The following ATF7 variants were observed in gnomAD, a reference collection of about 807,000 sequenced individuals.
ATF7 encodes cyclic AMP-dependent transcription factor ATF-7.
In ATF7, 10 loss-of-function variants were observed where a neutral mutation model predicts 50.4. That is an observed-to-expected ratio of 0.20 (90% CI 0.12 to 0.34). ATF7 has a LOEUF of 0.34. ATF7 is among the 10% of genes least tolerant of loss of function. The pLI, the probability that ATF7 is intolerant of heterozygous loss-of-function variation, is 1.00. For synonymous variants in ATF7, 201 were observed against 226.4 expected, an observed-to-expected ratio of 0.89 and a Z score of 1.01; for missense variants, 465 against 613.9, an observed-to-expected ratio of 0.76 and a Z score of 2.56.
At chr12:53,615,405 A>T (rs1593000044) in intron 1 of ATF7, among the ~76,000 whole-genome samples, 1 of 152,178 alleles carries the variant, frequency 6.6e-6, no homozygotes, top group East Asian at 1.9e-4. Context: ...AAGAAAAATA[A>T]AAAAGAAAAT....
chr12:53,592,952 C>T (rs1183512337), intron 2 of ATF7, among the ~76,000 whole-genome samples: 1 of 152,154 alleles, frequency 6.6e-6, no homozygotes, highest in Non-Finnish European at 1.5e-5. Flanking sequence ...AGTTTTTAGA[C>T]ATAACCAAAG....
At chr12:53,615,079 C>CAAAAG (rs1944061107) in intron 1 of ATF7, among the ~76,000 whole-genome samples, 3 of 148,428 alleles carry the variant, frequency 2.0e-5, no homozygotes, top group African/African-American at 7.4e-5. Context: ...GACGCCATCT[C>CAAAAG]AAAAGAAAAG....
chr12:53,555,877 G>A lies in ATF7; in HGVS notation c.49-3240C>T, dbSNP rs534003161. Reference sequence around the variant, plus strand: ...GTTGCCCAGGCTGGAGTCCAATGGCGCAATCTTGGCTCACTGCAACCTCCA... The same window carrying A: ...GTTGCCCAGGCTGGAGTCCAATGGCACAATCTTGGCTCACTGCAACCTCCA... On this transcript the variant is annotated intron_variant, in intron 2 of 11. Transcript: ENST00000420353. 4.7e-4 allele frequency among the ~76,000 whole-genome samples: 71 copies of A among 151,196 alleles called. No homozygotes were observed. The South Asian group carries it at 0.013, about 28-fold the overall frequency.
At position 53,569,804 on chromosome 12, in the gene ATF7, C is replaced by A. The variant is rs572452108; in HGVS notation, c.49-17167G>T. ...AAGGATTCTCCTGCCTCAGCCTCCTCAGTAGCTAGGACCACAAGCATGTGC... is the reference window on the plus strand; with the variant it reads ...AAGGATTCTCCTGCCTCAGCCTCCTAAGTAGCTAGGACCACAAGCATGTGC... On this transcript the variant is annotated intron_variant, in intron 2 of 11. Coordinates refer to ENST00000420353, the MANE Select transcript of ATF7 (RefSeq NM_006856.3). Among the ~76,000 whole-genome samples, 67 of 152,096 alleles carry A rather than the reference C, an allele frequency of 4.4e-4. 1 individual carries two copies. The highest frequency in any genetic ancestry group is 1.5e-3 in the African/African-American group (64 of 41,486).
chr12:53,613,623 T>C (rs1943990286), intron 1 of ATF7, among the ~76,000 whole-genome samples: 1 of 152,018 alleles, frequency 6.6e-6, no homozygotes, highest in East Asian at 1.9e-4. Flanking sequence ...CTGGCTCAAG[T>C]GATCCTCCTA....
chr12:53,575,951 A>G (rs775578653), intron 2 of ATF7: 1 of 153,606 alleles, frequency 6.5e-6, no homozygotes, highest in Non-Finnish European at 1.5e-5. Flanking sequence ...TATAGATGCC[A>G]GGAGTTGTGG....
chr12:53,615,883 T>A (rs1207808831), intron 1 of ATF7, among the ~76,000 whole-genome samples: 2 of 151,986 alleles, frequency 1.3e-5, no homozygotes, highest in Non-Finnish European at 1.5e-5. Context: ...CCCAGACCCA[T>A]CTCTAAAAAT....
At chr12:53,611,588 T>TTTTTC (rs750217895) in intron 1 of ATF7, among the ~76,000 whole-genome samples, 2 of 152,112 alleles carry the variant, frequency 1.3e-5, no homozygotes, top group Non-Finnish European at 2.9e-5. Context: ...AGTTTTTACA[T>TTTTTC]TTTTCTTTTC....
intron 11 of ATF7, among the ~76,000 whole-genome samples, chr12:53,518,473 T>G (rs1176285646): frequency 6.6e-6 from 1 of 152,144 alleles, no homozygotes; most frequent in Admixed American, 6.5e-5. Flanking sequence ...TTTTAAAATT[T>G]TTTTAGAGGG....
chr12:53,621,106 T>A (rs1944361549), intron 1 of ATF7, among the ~76,000 whole-genome samples: 1 of 152,140 alleles, frequency 6.6e-6, no homozygotes, highest in Admixed American at 6.5e-5. Context: ...TTTGACAGGG[T>A]CACTAGCCTA....
intron 2 of ATF7, among the ~76,000 whole-genome samples, chr12:53,584,878 A>G (rs897434099): frequency 2.0e-5 from 3 of 152,224 alleles, no homozygotes; most frequent in Non-Finnish European, 4.4e-5. Flanking sequence ...AGTGCTTGCC[A>G]GCGGTCAGTG....
intron 3 of ATF7, among the ~76,000 whole-genome samples, chr12:53,548,100 C>T (rs574197295): frequency 2.0e-4 from 31 of 152,192 alleles, no homozygotes; most frequent in Admixed American, 2.0e-3. Flanking sequence ...CTCCTGGCCT[C>T]AAGCAATCAT....
At chr12:53,587,843 A>ATATATATATATATATATATATATTTTTT in intron 2 of ATF7, among the ~76,000 whole-genome samples, 8 of 61,554 alleles carry the variant, frequency 1.3e-4, no homozygotes, top group Non-Finnish European at 1.7e-4. Context: ...ATATATATAT[A>ATATATATATATATATATATATATTTTTT]TTTTTTTTTT....
At position 53,532,582 on chromosome 12, in the gene ATF7, G is replaced by A. The variant is rs1194359684; in HGVS notation, c.702C>T (p.Ile234=). 3 of 1,609,856 alleles carry A rather than the reference G, an allele frequency of 1.9e-6. No homozygotes were observed. The highest frequency in any genetic ancestry group is 2.5e-6 in the Non-Finnish European group (3 of 1,178,340). Residue 234 remains isoleucine, a synonymous_variant, in exon 8 of 12, where the codon ATC becomes ATT. Transcript: ENST00000420353. ...CACTACTGTTAACTGGTGGGCCAGGGATACCAGGAATGTTGGGCACCATGG... is the reference window on the plus strand; with the variant it reads ...CACTACTGTTAACTGGTGGGCCAGGAATACCAGGAATGTTGGGCACCATGG... ...PVSMVPNIPG[I]PGPPVNSSGS...
At chr12:53,619,668 T>C (rs10783589) in intron 1 of ATF7, among the ~76,000 whole-genome samples, 57,937 of 151,160 alleles carry the variant, frequency 0.38, 11,618 homozygotes, top group East Asian at 0.8. Flanking sequence ...AAAAATTAGA[T>C]GGGCACGGTG....
rs77832794 is a variant in ATF7, at chr12:53,532,651, A to G, written c.661-28T>C. On this transcript the variant is annotated intron_variant, in intron 7 of 11. Coordinates refer to ENST00000420353, the MANE Select transcript of ATF7 (RefSeq NM_006856.3). ...GGATCGAGAGAAGGAAAAAAAAAAA[A>G]AGAGAAGGGAACATAATACCATCGG... 15 of 1,454,538 alleles carry G rather than the reference A, an allele frequency of 1.0e-5. No homozygotes were observed. The Admixed American group carries it at 1.5e-4, about 14-fold the overall frequency. The allele number at this position is 1,454,538 out of a possible 1,614,324, so 90.1% of individuals were successfully genotyped here.
chr12:53,608,583 A>G (rs1943714008), intron 1 of ATF7, among the ~76,000 whole-genome samples: 1 of 152,216 alleles, frequency 6.6e-6, no homozygotes, highest in African/African-American at 2.4e-5. Flanking sequence ...CACAAAGGGA[A>G]TATAGAGCTG....
intron 1 of ATF7, among the ~76,000 whole-genome samples, chr12:53,624,575 C>T (rs1227846392): frequency 6.6e-6 from 1 of 152,210 alleles, no homozygotes; most frequent in African/African-American, 2.4e-5. Flanking sequence ...GACTACTTAG[C>T]AGAGCTTGCA....
intron 1 of ATF7, among the ~76,000 whole-genome samples, chr12:53,611,928 C>T (rs1019106941): frequency 1.2e-4 from 18 of 151,458 alleles, no homozygotes; most frequent in African/African-American, 3.4e-4. Flanking sequence ...GAAAAAAAAT[C>T]GGAAAGAATA....
Sources: allele counts gnomAD v4.1 joint callset (sites outside exome capture counted in the v4.1 genomes callset), GRCh38; gene constraint gnomAD v4.1.1; transcripts MANE v1.5; gene names NCBI Gene and HGNC (gene_info 2026-07-23, HGNC 2026-07-21).